Variants in CACNG3 observed in about 807,000 individuals in gnomAD.
CACNG3 encodes calcium voltage-gated channel auxiliary subunit gamma 3, also known as voltage-dependent calcium channel gamma-3 subunit.
Under a neutral mutation model 28.5 loss-of-function variants are expected in CACNG3, and 3 were observed. That is an observed-to-expected ratio of 0.11 (90% CI 0.05 to 0.27). The LOEUF (loss-of-function observed/expected upper bound fraction) is 0.27. Ranked by LOEUF, CACNG3 falls within the 10% of genes least tolerant of loss-of-function variation. The probability of loss-of-function intolerance (pLI) is 1.00; values close to 1 mark genes in which losing one functional copy is unlikely to be tolerated. For synonymous variants in CACNG3, 174 were observed against 162.2 expected (o/e 1.07, Z -0.55); for missense variants, 236 against 414.4 (o/e 0.57, Z 3.74).
intron 1 of CACNG3, among the ~76,000 whole-genome samples, chr16:24,290,296 G>A (rs1299499318): frequency 6.6e-6 from 1 of 152,154 alleles, no homozygotes; most frequent in Non-Finnish European, 1.5e-5. Context: ...AGAAAACATG[G>A]GAACAGAGCA....
chr16:24,313,073 G>GAGGAAGGA (rs71154300), intron 1 of CACNG3, among the ~76,000 whole-genome samples: 35,608 of 137,800 alleles, frequency 0.26, 5,105 homozygotes, highest in Middle Eastern at 0.31. Context: ...GCGAGGGAGG[G>GAGGAAGGA]AGGAAGGAAG....
chr16:24,325,758 A>C (rs1000810645), intron 1 of CACNG3, among the ~76,000 whole-genome samples: 8 of 152,264 alleles, frequency 5.3e-5, no homozygotes, highest in African/African-American at 1.9e-4. Context: ...TTTGCAGAGC[A>C]GGCATGGAGG....
At chr16:24,360,431 G>A (rs1567227510) in intron 3 of CACNG3, among the ~76,000 whole-genome samples, 3 of 152,142 alleles carry the variant, frequency 2.0e-5, no homozygotes, top group Non-Finnish European at 4.4e-5. Context: ...AGCCTCGCCC[G>A]TTGGAGGTAA....
intron 1 of CACNG3, among the ~76,000 whole-genome samples, chr16:24,284,962 G>A (rs1898873742): frequency 6.7e-6 from 1 of 150,166 alleles, no homozygotes; most frequent in Non-Finnish European, 1.5e-5. Context: ...ACATCTAGTA[G>A]TCTTGTCTTA....
At chr16:24,258,868 C>T (rs1298354547) in intron 1 of CACNG3, among the ~76,000 whole-genome samples, 3 of 152,132 alleles carry the variant, frequency 2.0e-5, no homozygotes, top group Admixed American at 6.5e-5. Flanking sequence ...TGAAGTTTGA[C>T]GTTCCTCATT....
At chr16:24,307,983 G>C (rs1899208799) in intron 1 of CACNG3, among the ~76,000 whole-genome samples, 1 of 151,986 alleles carries the variant, frequency 6.6e-6, no homozygotes, top group Non-Finnish European at 1.5e-5. Context: ...TCTCTTTTTT[G>C]GTCCAATGGT....
intron 1 of CACNG3, among the ~76,000 whole-genome samples, chr16:24,287,451 G>T (rs1328380001): frequency 1.3e-5 from 2 of 148,754 alleles, no homozygotes; most frequent in Admixed American, 6.7e-5. Context: ...CCAAGAGGCG[G>T]AGGTTGCAGT....
intron 1 of CACNG3, among the ~76,000 whole-genome samples, chr16:24,258,082 T>G (rs1399280824): frequency 6.6e-6 from 1 of 152,188 alleles, no homozygotes; most frequent in East Asian, 1.9e-4. Context: ...AATCTGCGTT[T>G]CCTGTGTGGT....
intron 2 of CACNG3, among the ~76,000 whole-genome samples, chr16:24,354,516 A>G (rs1292832002): frequency 1.3e-5 from 2 of 152,160 alleles, no homozygotes; most frequent in African/African-American, 4.8e-5. Flanking sequence ...GGAGGTAGAG[A>G]GTGGAGTTCC....
intron 1 of CACNG3, among the ~76,000 whole-genome samples, chr16:24,264,177 G>A (rs1386850997): frequency 2.0e-5 from 3 of 152,232 alleles, no homozygotes; most frequent in Non-Finnish European, 2.9e-5. Flanking sequence ...ACTCTAACCC[G>A]GCTGCACGAT....
At chr16:24,318,053 G>A (rs1899410854) in intron 1 of CACNG3, among the ~76,000 whole-genome samples, 1 of 152,186 alleles carries the variant, frequency 6.6e-6, no homozygotes, top group African/African-American at 2.4e-5. Context: ...AGGCTATCCT[G>A]CCTCCTTGTT....
chr16:24,358,823 C>T (rs1306481770), intron 3 of CACNG3, among the ~76,000 whole-genome samples: 2 of 152,286 alleles, frequency 1.3e-5, no homozygotes, highest in Admixed American at 1.3e-4. Context: ...AATTTAATGG[C>T]TGTGCTCGAC....
At chr16:24,328,644 G>A (rs1347198486) in intron 1 of CACNG3, among the ~76,000 whole-genome samples, 1 of 152,188 alleles carries the variant, frequency 6.6e-6, no homozygotes. Context: ...ATCATCGTAA[G>A]CTTAGCAAAG....
At chr16:24,289,304 GAA>G (rs796624837) in intron 1 of CACNG3, among the ~76,000 whole-genome samples, 5 of 112,132 alleles carry the variant, frequency 4.5e-5, no homozygotes, top group African/African-American at 9.8e-5. Flanking sequence ...ATCTGCAAAA[GAA>G]AAAAAAAAAA....
chr16:24,294,777 G>T (rs1340063819), intron 1 of CACNG3, among the ~76,000 whole-genome samples: 1 of 152,160 alleles, frequency 6.6e-6, no homozygotes, highest in Admixed American at 6.5e-5. Context: ...TTGGAATCTT[G>T]CCTGCCGTAA....
At chr16:24,312,965 GA>G (rs368894946) in intron 1 of CACNG3, among the ~76,000 whole-genome samples, 9 of 99,632 alleles carry the variant, frequency 9.0e-5, no homozygotes, top group South Asian at 3.1e-4. Context: ...GAGAAAGAAA[GA>G]AAAGAAAGAA....
At position 24,283,425 on chromosome 16, in the gene CACNG3, T is replaced by C. The variant is rs190954768; in HGVS notation, c.211+26460T>C. ...CATTCAAGCCTATGCATCTATTGTG[T>C]ACATTATTTCTAGGTAGTTTTTATG... On this transcript the variant is annotated intron_variant, in intron 1 of 3. Coordinates refer to ENST00000005284, the MANE Select transcript of CACNG3 (RefSeq NM_006539.4). 2.6e-3 allele frequency among the ~76,000 whole-genome samples: 395 copies of C among 152,348 alleles called. 2 individuals are homozygous for C. The highest frequency in any genetic ancestry group is 4.3e-3 in the Admixed American group (66 of 15,302).
At chr16:24,324,403 C>G (rs1899508529) in intron 1 of CACNG3, among the ~76,000 whole-genome samples, 1 of 152,162 alleles carries the variant, frequency 6.6e-6, no homozygotes, top group African/African-American at 2.4e-5. Context: ...CTACTTACCC[C>G]AGCCATACAC....
chr16:24,287,981 G>A (rs960568686), intron 1 of CACNG3, among the ~76,000 whole-genome samples: 2 of 152,118 alleles, frequency 1.3e-5, no homozygotes, highest in Non-Finnish European at 2.9e-5. Flanking sequence ...AAGTAAGTAA[G>A]TAAGGTTGAG....
Sources: allele counts gnomAD v4.1 joint callset (sites outside exome capture counted in the v4.1 genomes callset), GRCh38; gene constraint gnomAD v4.1.1; transcripts MANE v1.5; gene names NCBI Gene and HGNC (gene_info 2026-07-23, HGNC 2026-07-21).